The following WDR70 variants were observed in gnomAD, a reference collection of about 807,000 sequenced individuals.
The protein encoded by WDR70 is WD repeat domain 70.
A neutral mutation model predicts 88.6 loss-of-function variants in WDR70; 53 were observed. That is an observed-to-expected ratio of 0.60 (90% CI 0.48 to 0.75). The LOEUF (loss-of-function observed/expected upper bound fraction) is 0.75. WDR70 is among the 30% of genes least tolerant of loss of function. The probability of loss-of-function intolerance (pLI) is 0.00; values close to 1 mark genes in which losing one functional copy is unlikely to be tolerated. For missense variants in WDR70, 610 were observed against 823.2 expected (o/e 0.74, Z 3.17); for synonymous variants, 280 against 270.0 (o/e 1.04, Z -0.36).
At chr5:37,725,827 A>G (rs1251951784) in intron 16 of WDR70, among the ~76,000 whole-genome samples, 1 of 151,928 alleles carries the variant, frequency 6.6e-6, no homozygotes, top group Non-Finnish European at 1.5e-5. Context: ...TTTAATCCCT[A>G]ACTCCATTAG....
At chr5:37,508,839 CTG>C (rs1413328984) in intron 8 of WDR70, among the ~76,000 whole-genome samples, 1 of 152,078 alleles carries the variant, frequency 6.6e-6, no homozygotes, top group Non-Finnish European at 1.5e-5. Context: ...TTTGGGGAAA[CTG>C]TTGTGAAAAA....
chr5:37,543,769 A>C (rs1741904500), intron 9 of WDR70, among the ~76,000 whole-genome samples: 1 of 152,060 alleles, frequency 6.6e-6, no homozygotes, highest in Non-Finnish European at 1.5e-5. Context: ...ACTCTATGTA[A>C]TCAAGTTTGT....
At chr5:37,722,761 A>T (rs1747859293) in intron 14 of WDR70, 94 bp from the exon 15 acceptor site, 1 of 1,147,204 alleles carries the variant, frequency 8.7e-7, no homozygotes, top group East Asian at 2.5e-5. Flanking sequence ...GTGCATGCAC[A>T]GAGTATGTTC....
At chr5:37,432,563 A>ATTTT (rs148199087) in intron 5 of WDR70, among the ~76,000 whole-genome samples, 2 of 140,756 alleles carry the variant, frequency 1.4e-5, no homozygotes, top group Non-Finnish European at 3.1e-5. Flanking sequence ...TAATTTTTGT[A>ATTTT]TTTTTTTTTT....
chr5:37,510,736 A>G (rs1446157412), intron 8 of WDR70, among the ~76,000 whole-genome samples: 1 of 152,200 alleles, frequency 6.6e-6, no homozygotes, highest in Non-Finnish European at 1.5e-5. Context: ...CACATTGTAT[A>G]TAGTCATCAT....
chr5:37,557,241 A>AT (rs998206193), intron 9 of WDR70, among the ~76,000 whole-genome samples: 1 of 151,922 alleles, frequency 6.6e-6, no homozygotes, highest in Non-Finnish European at 1.5e-5. Flanking sequence ...TGAAAAAAAA[A>AT]AAAAAAGGTT....
chr5:37,648,988 C>T (rs143308049), intron 10 of WDR70, among the ~76,000 whole-genome samples: 7 of 152,192 alleles, frequency 4.6e-5, no homozygotes, highest in East Asian at 1.9e-4. Flanking sequence ...TTAGGAATGA[C>T]GTAAAGCTAA....
chr5:37,659,872 GC>G (rs1203421339), intron 10 of WDR70, among the ~76,000 whole-genome samples: 1 of 152,134 alleles, frequency 6.6e-6, no homozygotes, highest in Non-Finnish European at 1.5e-5. Flanking sequence ...CACCTCCAAT[GC>G]TAAAACATTG....
At position 37,726,914 on chromosome 5, in the gene WDR70, C is replaced by T; in HGVS notation, c.1746C>T (p.Gly582=). 6.3e-7 allele frequency: 1 copy of T among 1,595,860 alleles called. No homozygotes were observed. Among genetic ancestry groups the T allele is most frequent in the East Asian group, 2.2e-5 (1 of 44,674 alleles). Residue 582 remains glycine (G), a synonymous_variant, in exon 17 of 18, where the codon GGC becomes GGT. Coordinates refer to ENST00000265107, the MANE Select transcript of WDR70 (RefSeq NM_018034.4). ...GTGGCCGAGTTGGAACCCACGGGGG[C>T]ACTCTCTCTTCCTATATTGTGAAGA... is the stretch of plus-strand genomic sequence containing the variant. The part of the protein sequence containing the change: ...GRGGRVGTHG[G]TLSSYIVKNI...
chr5:37,480,728 G>T (rs1199247650), intron 8 of WDR70, among the ~76,000 whole-genome samples: 1 of 152,026 alleles, frequency 6.6e-6, no homozygotes, highest in Non-Finnish European at 1.5e-5. Context: ...ATTCTGCCTC[G>T]GCCCCTCCGA....
chr5:37,492,217 G>T (rs1248690381), intron 8 of WDR70, among the ~76,000 whole-genome samples: 1 of 152,100 alleles, frequency 6.6e-6, no homozygotes, highest in African/African-American at 2.4e-5. Context: ...GAGTTCATTT[G>T]GATACATCTA....
At chr5:37,462,421 G>C (rs1301502338) in intron 7 of WDR70, among the ~76,000 whole-genome samples, 1 of 152,086 alleles carries the variant, frequency 6.6e-6, no homozygotes, top group Admixed American at 6.5e-5. Context: ...TCCTGCCTTA[G>C]CCTCCTGAGT....
intron 9 of WDR70, among the ~76,000 whole-genome samples, chr5:37,588,909 C>T (rs115807609): frequency 0.011 from 1,631 of 152,010 alleles, 35 homozygotes; most frequent in African/African-American, 0.037. Context: ...GGATTACAGG[C>T]GCTGGCCACC....
chr5:37,723,831 A>G (rs1747894056), intron 15 of WDR70: 1 of 152,164 alleles, frequency 6.6e-6, no homozygotes, highest in Admixed American at 6.6e-5. Flanking sequence ...GTTTGAAGTG[A>G]AAAGCTATTT....
At chr5:37,608,827 G>T (rs1744107424) in intron 10 of WDR70, among the ~76,000 whole-genome samples, 1 of 151,774 alleles carries the variant, frequency 6.6e-6, no homozygotes, top group Non-Finnish European at 1.5e-5. Flanking sequence ...CCCAAGTGCT[G>T]GTATGACAGG....
rs537946198 is a variant in WDR70, at chr5:37,423,914, C to T, written c.493-14008C>T. On this transcript the variant is annotated intron_variant, in intron 5 of 17. Coordinates refer to ENST00000265107, the MANE Select transcript of WDR70 (RefSeq NM_018034.4). Reference sequence around the variant, plus strand: ...CTATAATCCCAGCACTTTGGGAGGCCGAGGCGGGCAGATCACCTGAGGTCA... The same window carrying T: ...CTATAATCCCAGCACTTTGGGAGGCTGAGGCGGGCAGATCACCTGAGGTCA... Among the ~76,000 whole-genome samples the T allele has an allele frequency of 2.3e-3, 333 of 147,064 alleles. 2 individuals are homozygous for T. Among genetic ancestry groups the T allele is most frequent in the Middle Eastern group, 0.021 (6 of 284 alleles).
chr5:37,634,112 A>G (rs942477268), intron 10 of WDR70, among the ~76,000 whole-genome samples: 15 of 151,982 alleles, frequency 9.9e-5, no homozygotes, highest in Non-Finnish European at 1.9e-4. Flanking sequence ...ATCCTGGCTA[A>G]CACGGTGAAA....
intron 9 of WDR70, among the ~76,000 whole-genome samples, chr5:37,567,692 A>G (rs922078089): frequency 2.0e-5 from 3 of 152,126 alleles, no homozygotes; most frequent in African/African-American, 7.2e-5. Flanking sequence ...TTGGGTAGTC[A>G]TCATAAAAAA....
At chr5:37,680,635 G>A (rs1376432930) in intron 10 of WDR70, among the ~76,000 whole-genome samples, 2 of 152,160 alleles carry the variant, frequency 1.3e-5, no homozygotes, top group African/African-American at 4.8e-5. Context: ...AGTTCTCCTA[G>A]CGCTATTTAT....
Sources: gnomAD v4.1 joint callset for allele counts (sites outside exome capture counted in the v4.1 genomes callset) on GRCh38, gnomAD v4.1.1 for gene constraint, MANE v1.5 for transcripts, NCBI Gene and HGNC (gene_info 2026-07-23, HGNC 2026-07-21) for gene names.